The following IARS1 variants were observed in gnomAD, a reference collection of about 807,000 sequenced individuals.
IARS1 encodes isoleucine--tRNA ligase, cytoplasmic.
Under a neutral mutation model 168.2 loss-of-function variants are expected in IARS1, and 124 were observed. The ratio of observed to expected loss-of-function variants is 0.74; its 90% CI spans 0.64 to 0.86. IARS1 has a LOEUF of 0.86. IARS1 is among the 40% of genes least tolerant of loss of function. The probability of loss-of-function intolerance (pLI) is 0.00; values close to 1 mark genes in which losing one functional copy is unlikely to be tolerated. For missense variants in IARS1, 1,452 were observed against 1,515.8 expected, an observed-to-expected ratio of 0.96 and a Z score of 0.70; for synonymous variants, 532 against 529.4, an observed-to-expected ratio of 1.00 and a Z score of -0.07.
intron 10 of IARS1, among the ~76,000 whole-genome samples, chr9:92,272,144 A>T (rs1056316871): frequency 6.6e-6 from 1 of 152,268 alleles, no homozygotes; most frequent in African/African-American, 2.4e-5. Context: ...GCTAGGATTC[A>T]AAACCAAACA....
intron 30 of IARS1, among the ~76,000 whole-genome samples, chr9:92,230,790 G>A (rs957963110): frequency 6.6e-6 from 1 of 152,162 alleles, no homozygotes; most frequent in Non-Finnish European, 1.5e-5. Context: ...TAGTCATTGT[G>A]ATAGCTGTGT....
rs893534310 is a variant in IARS1, at chr9:92,244,065, A to G, written c.2905-754T>C. ...ATCAGAGGTAGTGAAATGCATGATAAACTCAAAATTCCAGTCAGTGCAGGG... is the reference window on the plus strand; with the variant it reads ...ATCAGAGGTAGTGAAATGCATGATAGACTCAAAATTCCAGTCAGTGCAGGG... On this transcript the variant is annotated intron_variant, in intron 27 of 33. Coordinates refer to ENST00000443024, the MANE Select transcript of IARS1 (RefSeq NM_002161.6). Among the ~76,000 whole-genome samples, 13 of 152,314 alleles carry G rather than the reference A, an allele frequency of 8.5e-5. No homozygotes were observed. In the South Asian group the frequency reaches 2.3e-3, roughly 27 times the overall value.
intron 18 of IARS1, among the ~76,000 whole-genome samples, 176 bp from the exon 19 acceptor site, chr9:92,259,174 A>G (rs1344813156): frequency 1.3e-5 from 2 of 152,222 alleles, no homozygotes; most frequent in African/African-American, 2.4e-5. Context: ...CTCACTTTCT[A>G]TAAGAGACTT....
intron 10 of IARS1, 39 bp downstream of exon 10, chr9:92,274,387 G>A (rs200098824): frequency 6.0e-6 from 9 of 1,494,696 alleles, no homozygotes; most frequent in East Asian, 2.3e-5. Context: ...AGTGGCTACC[G>A]ACATACTCAA....
intron 6 of IARS1, among the ~76,000 whole-genome samples, chr9:92,283,308 A>C (rs1280486935): frequency 6.6e-6 from 1 of 152,198 alleles, no homozygotes; most frequent in Non-Finnish European, 1.5e-5. Flanking sequence ...TGCAGAGGAA[A>C]GTTTCCCAAC....
intron 33 of IARS1, among the ~76,000 whole-genome samples, chr9:92,216,231 T>C (rs1251875660): frequency 1.3e-5 from 2 of 148,906 alleles, no homozygotes; most frequent in East Asian, 2.0e-4. Flanking sequence ...CTGAGAGATT[T>C]TGTCACCACC....
chr9:92,276,766 G>A (rs1257803401), intron 9 of IARS1, among the ~76,000 whole-genome samples: 1 of 152,186 alleles, frequency 6.6e-6, no homozygotes, highest in Non-Finnish European at 1.5e-5. Context: ...CTCATTTCAA[G>A]ACCTTTAAAT....
At chr9:92,232,811 C>T (rs1826924098) in intron 30 of IARS1, among the ~76,000 whole-genome samples, 1 of 152,098 alleles carries the variant, frequency 6.6e-6, no homozygotes, top group Non-Finnish European at 1.5e-5. Context: ...GAAACAGAGT[C>T]CTCTCTATTA....
chr9:92,288,128 C>T lies in IARS1; in HGVS notation c.274G>A (p.Val92Met). 6.2e-7 allele frequency: 1 copy of T among 1,612,964 alleles called. No individual in the cohort carries two copies. Among genetic ancestry groups the T allele is most frequent in the South Asian group, 1.1e-5 (1 of 90,728 alleles). The change falls in exon 3 of 34, where the codon GTG (valine) becomes ATG (methionine). Residue 92 changes from valine (V) to methionine (M), a missense_variant and splice_region_variant. Transcript: ENST00000443024. ...RFGWDCHGLP[V>M]EYEIDKTLGI... ...TAAAGCTGGATACTCAAACATACCA[C>T]AGGTAAGCCATGGCAATCCCATCCA...
intron 33 of IARS1, among the ~76,000 whole-genome samples, chr9:92,218,684 G>A (rs575671800): frequency 3.9e-5 from 4 of 101,462 alleles, no homozygotes; most frequent in East Asian, 4.2e-4. Flanking sequence ...GCTTCAAAGA[G>A]AATAAAATAC....
intron 31 of IARS1, among the ~76,000 whole-genome samples, chr9:92,227,378 G>A (rs1356050059): frequency 6.6e-6 from 1 of 150,732 alleles, no homozygotes; most frequent in Non-Finnish European, 1.5e-5. Flanking sequence ...CCCAGTAGGG[G>A]CGGCCGGGCA....
rs1214762450 is a variant in IARS1 at position 92,260,767 on chromosome 9, G to T, written c.1788-533C>A. Among the ~76,000 whole-genome samples, 3 of 152,340 alleles carry T rather than the reference G, an allele frequency of 2.0e-5. No homozygotes were observed. In the East Asian group the frequency reaches 5.8e-4, roughly 29 times the overall value. ...TGAGGAAGCTTCAGGGTAGACTGAA[G>T]AAGAAAGATGTGTCAGAATATATCC... On this transcript the variant is annotated intron_variant, in intron 17 of 33. Transcript: ENST00000443024.
intron 1 of IARS1, among the ~76,000 whole-genome samples, chr9:92,292,181 C>CTTT (rs57075703): frequency 1.7e-5 from 2 of 118,048 alleles, no homozygotes; most frequent in Non-Finnish European, 3.5e-5. Context: ...CCACACTCAG[C>CTTT]TTTTTTTTTT....
intron 13 of IARS1, among the ~76,000 whole-genome samples, chr9:92,269,411 C>G (rs1832719069): frequency 6.6e-6 from 1 of 152,218 alleles, no homozygotes. Flanking sequence ...GGACACATAT[C>G]AGCTATGGAA....
chr9:92,242,426 T>C, intron 28 of IARS1, 96 bp from the exon 29 acceptor site: 1 of 962,970 alleles, frequency 1.0e-6, no homozygotes, highest in Non-Finnish European at 1.5e-6. Context: ...GATCCCATGC[T>C]GAATCATCAC....
At chr9:92,262,943 C>T (rs1587832062) in intron 17 of IARS1, 26 bp downstream of exon 17, 4 of 1,549,190 alleles carry the variant, frequency 2.6e-6, no homozygotes, top group Non-Finnish European at 3.6e-6. Context: ...AAAGTTCCAC[C>T]CGTCACTACA....
chr9:92,215,494 A>G (rs1838516293), intron 33 of IARS1, among the ~76,000 whole-genome samples: 1 of 152,120 alleles, frequency 6.6e-6, no homozygotes, highest in African/African-American at 2.4e-5. Context: ...AGGACATACA[A>G]ACCAAAGGCA....
intron 10 of IARS1, among the ~76,000 whole-genome samples, chr9:92,272,635 A>G (rs1833219028): frequency 6.6e-6 from 1 of 152,172 alleles, no homozygotes; most frequent in African/African-American, 2.4e-5. Flanking sequence ...AGATCACCTG[A>G]GGTCAGAAGT....
intron 20 of IARS1, 110 bp downstream of exon 20, chr9:92,256,570 C>A: frequency 2.6e-6 from 3 of 1,138,746 alleles, no homozygotes; most frequent in Non-Finnish European, 1.2e-6. Context: ...TAAAAGGAAA[C>A]AATTATTTAA....
Sources: allele counts gnomAD v4.1 joint callset (sites outside exome capture counted in the v4.1 genomes callset), GRCh38; gene constraint gnomAD v4.1.1; transcripts MANE v1.5; gene names NCBI Gene and HGNC (gene_info 2026-07-23, HGNC 2026-07-21).